Variants in GRK5 observed in about 807,000 individuals in gnomAD.
GRK5 encodes the protein g protein-coupled receptor kinase GRK5.
Under a neutral mutation model 78.4 loss-of-function variants are expected in GRK5, and 40 were observed. The ratio of observed to expected loss-of-function variants is 0.51; its 90% confidence interval spans 0.40 to 0.66. The LOEUF (loss-of-function observed/expected upper bound fraction) is 0.66, where lower values mean the gene tolerates loss of function less well. GRK5 is among the 30% of genes least tolerant of loss of function. GRK5 has a pLI of 0.00. For missense variants in GRK5, 598 were observed against 759.9 expected, an observed-to-expected ratio of 0.79 and a Z score of 2.50; for synonymous variants, 289 against 296.8, an observed-to-expected ratio of 0.97 and a Z score of 0.27.
chr10:119,381,450 A>T (rs1001780318), intron 3 of GRK5, among the ~76,000 whole-genome samples: 12 of 152,250 alleles, frequency 7.9e-5, no homozygotes, highest in African/African-American at 2.9e-4. Flanking sequence ...AATGAAGCAC[A>T]TGGCTGTCAA....
intron 1 of GRK5, among the ~76,000 whole-genome samples, chr10:119,294,927 A>T (rs1403431851): frequency 6.6e-6 from 1 of 152,184 alleles, no homozygotes; most frequent in Non-Finnish European, 1.5e-5. Flanking sequence ...GCAGTGGCTC[A>T]GGCCTGTAAT....
chr10:119,273,258 T>A (rs1387121115), intron 1 of GRK5, among the ~76,000 whole-genome samples: 1 of 152,136 alleles, frequency 6.6e-6, no homozygotes, highest in Non-Finnish European at 1.5e-5. Context: ...ATGTGTCCAC[T>A]GGCACCTGTT....
chr10:119,232,979 A>G (rs1201498572), intron 1 of GRK5, among the ~76,000 whole-genome samples: 1 of 152,210 alleles, frequency 6.6e-6, no homozygotes, highest in African/African-American at 2.4e-5. Context: ...ATAAAAAACT[A>G]TAATATTTGC....
chr10:119,249,096 C>T (rs1176348540), intron 1 of GRK5, among the ~76,000 whole-genome samples: 1 of 152,024 alleles, frequency 6.6e-6, no homozygotes, highest in East Asian at 1.9e-4. Flanking sequence ...TGGTGAAACC[C>T]CGTCTTTACT....
At chr10:119,234,886 G>C (rs1848895352) in intron 1 of GRK5, among the ~76,000 whole-genome samples, 1 of 152,132 alleles carries the variant, frequency 6.6e-6, no homozygotes, top group Non-Finnish European at 1.5e-5. Context: ...TGTTAGCCAG[G>C]CTGGTCTCGA....
chr10:119,218,947 G>A (rs1848619954), intron 1 of GRK5, among the ~76,000 whole-genome samples: 1 of 145,572 alleles, frequency 6.9e-6, no homozygotes, highest in Admixed American at 6.8e-5. Context: ...CCCTAGGCCA[G>A]AGTGCAGTGG....
intron 2 of GRK5, among the ~76,000 whole-genome samples, chr10:119,344,989 G>T (rs1851063807): frequency 7.2e-6 from 1 of 139,650 alleles, no homozygotes; most frequent in South Asian, 2.4e-4. Context: ...TTTTTTCTGA[G>T]ATGGAATCTC....
chr10:119,215,430 C>G (rs935450537), intron 1 of GRK5, among the ~76,000 whole-genome samples: 2 of 142,272 alleles, frequency 1.4e-5, no homozygotes, highest in Non-Finnish European at 3.0e-5. Flanking sequence ...GGGAGAGAGA[C>G]AGTGTGGAGG....
At chr10:119,278,155 CGTT>C (rs764443935) in intron 1 of GRK5, among the ~76,000 whole-genome samples, 3 of 152,284 alleles carry the variant, frequency 2.0e-5, no homozygotes, top group East Asian at 3.9e-4. Flanking sequence ...GACAAGGAAT[CGTT>C]GTTTTTAGAT....
chr10:119,417,929 G>A (rs745390373), intron 4 of GRK5, among the ~76,000 whole-genome samples: 1 of 152,200 alleles, frequency 6.6e-6, no homozygotes, highest in Non-Finnish European at 1.5e-5. Flanking sequence ...ACCTGAAGAG[G>A]TACATTCTGG....
At chr10:119,357,478 C>T (rs979284391) in intron 2 of GRK5, among the ~76,000 whole-genome samples, 5 of 152,190 alleles carry the variant, frequency 3.3e-5, no homozygotes, top group South Asian at 4.1e-4. Context: ...TGGTGGATAT[C>T]GTTCCATCCT....
intron 4 of GRK5, among the ~76,000 whole-genome samples, chr10:119,402,334 C>T (rs1353720697): frequency 1.3e-5 from 2 of 152,058 alleles, no homozygotes; most frequent in Non-Finnish European, 2.9e-5. Context: ...AGCTGGCCAG[C>T]GGGCCACAGT....
intron 4 of GRK5, among the ~76,000 whole-genome samples, chr10:119,415,244 A>G (rs1273217122): frequency 6.6e-6 from 1 of 152,100 alleles, no homozygotes; most frequent in African/African-American, 2.4e-5. Context: ...AGCAGGTCCT[A>G]AAGAACTGGG....
chr10:119,401,920 C>T (rs1383325082), intron 4 of GRK5, among the ~76,000 whole-genome samples: 7 of 152,234 alleles, frequency 4.6e-5, no homozygotes, highest in Non-Finnish European at 7.3e-5. Context: ...AGGTTCATTT[C>T]TTTCTCACGC....
At chr10:119,279,596 G>A (rs1849726470) in intron 1 of GRK5, among the ~76,000 whole-genome samples, 1 of 152,232 alleles carries the variant, frequency 6.6e-6, no homozygotes, top group African/African-American at 2.4e-5. Flanking sequence ...TTGATGGTGT[G>A]TCCTTCAAAA....
intron 2 of GRK5, among the ~76,000 whole-genome samples, chr10:119,376,977 CGCGTGCGTGTGTGTATGT>C (rs1251464790): frequency 6.6e-6 from 1 of 152,100 alleles, no homozygotes; most frequent in African/African-American, 2.4e-5. Context: ...AGTGCGCATG[CGCGTGCGTGTGTGTATGT>C]GCGTGCGTGT....
chr10:119,339,926 G>C (rs1564897283), intron 2 of GRK5, among the ~76,000 whole-genome samples: 2 of 152,076 alleles, frequency 1.3e-5, no homozygotes, highest in African/African-American at 4.8e-5. Context: ...AACAACCAAA[G>C]AACAACACAA....
intron 1 of GRK5, among the ~76,000 whole-genome samples, chr10:119,261,017 G>A (rs1484748491): frequency 8.2e-5 from 12 of 146,742 alleles, no homozygotes; most frequent in East Asian, 4.2e-4. Flanking sequence ...CGGACGGGGC[G>A]GCTGGCCGGG....
intron 2 of GRK5, among the ~76,000 whole-genome samples, chr10:119,371,577 G>A (rs1362948153): frequency 1.3e-5 from 2 of 152,238 alleles, no homozygotes; most frequent in Non-Finnish European, 2.9e-5. Context: ...CATGTGGCCT[G>A]CTTCCGAGAA....
Sources: gnomAD v4.1 joint callset for allele counts (sites outside exome capture counted in the v4.1 genomes callset) on GRCh38, gnomAD v4.1.1 for gene constraint, MANE v1.5 for transcripts, NCBI Gene and HGNC (gene_info 2026-07-23, HGNC 2026-07-21) for gene names.